The following THSD7B variants were observed in gnomAD, a reference collection of about 807,000 sequenced individuals.
The protein encoded by THSD7B is thrombospondin type-1 domain-containing protein 7B.
Under a neutral mutation model 213.6 loss-of-function variants are expected in THSD7B, and 138 were observed. The observed-to-expected ratio is 0.65, with a 90% CI of 0.56 to 0.74. The LOEUF is 0.74. Ranked by LOEUF, THSD7B falls within the 30% of genes least tolerant of loss-of-function variation. THSD7B has a pLI of 0.00. For synonymous variants in THSD7B, 742 were observed against 687.0 expected, an observed-to-expected ratio of 1.08 and a Z score of -1.25; for missense variants, 1,931 against 1,991.5, an observed-to-expected ratio of 0.97 and a Z score of 0.58.
intron 2 of THSD7B, among the ~76,000 whole-genome samples, chr2:136,974,356 C>T (rs1338366486): frequency 1.3e-5 from 2 of 152,056 alleles, no homozygotes; most frequent in African/African-American, 2.4e-5. Context: ...CCTGAACCCC[C>T]CGCCCCGCAC....
intron 7 of THSD7B, among the ~76,000 whole-genome samples, chr2:137,205,926 A>G (rs576391215): frequency 1.3e-5 from 2 of 152,162 alleles, no homozygotes; most frequent in African/African-American, 2.4e-5. Flanking sequence ...TTGTTGCAAC[A>G]TATTTTTACA....
At chr2:137,212,683 T>C (rs1310681268) in intron 7 of THSD7B, among the ~76,000 whole-genome samples, 2 of 152,014 alleles carry the variant, frequency 1.3e-5, no homozygotes, top group Non-Finnish European at 2.9e-5. Context: ...TTTTTTTTCC[T>C]GTGACTTATA....
chr2:137,642,636 A>T lies in THSD7B; in HGVS notation c.3945+3A>T, dbSNP rs1180797227. ...ACTGGTCTGCATGTAAATTGGAGGT[A>T]GGTCATGTAATGACAGTTAGAGAAA... On this transcript the variant is annotated splice_donor_region_variant and intron_variant, in intron 21 of 27. Coordinates refer to ENST00000409968, the MANE Select transcript of THSD7B (RefSeq NM_001316349.2). 1.2e-6 allele frequency: 2 copies of T among 1,613,168 alleles called. No individual in the cohort carries two copies.
intron 1 of THSD7B, among the ~76,000 whole-genome samples, chr2:136,872,635 C>A (rs1012848425): frequency 8.6e-6 from 1 of 116,146 alleles, no homozygotes; most frequent in Non-Finnish European, 1.9e-5. Context: ...TCTTTTCTTT[C>A]TTTCTTTTCT....
rs545612884 is a variant in THSD7B at position 137,431,173 on chromosome 2, T to A, written c.2959+19301T>A. ...GGCATGAGACAACAATCAAATACAC[T>A]TAAGAAATACATTGGTTTGATCTAG... On this transcript the variant is annotated intron_variant, in intron 14 of 27. Transcript: ENST00000409968. 2.0e-5 allele frequency among the ~76,000 whole-genome samples: 3 copies of A among 152,198 alleles called. No individual in the cohort carries two copies. The East Asian group carries it at 5.8e-4, about 29-fold the overall frequency.
chr2:137,091,163 A>G (rs1351531460), intron 3 of THSD7B, among the ~76,000 whole-genome samples: 1 of 152,218 alleles, frequency 6.6e-6, no homozygotes, highest in African/African-American at 2.4e-5. Flanking sequence ...AAAAGCCTCA[A>G]TTAATTCCTA....
intron 15 of THSD7B, among the ~76,000 whole-genome samples, chr2:137,485,788 G>C (rs1040203804): frequency 3.3e-5 from 5 of 152,184 alleles, no homozygotes; most frequent in African/African-American, 1.2e-4. Context: ...CAGACTAACA[G>C]CGGATCTCTC....
At chr2:137,298,704 G>T (rs562606664) in intron 12 of THSD7B, among the ~76,000 whole-genome samples, 1 of 152,306 alleles carries the variant, frequency 6.6e-6, no homozygotes, top group African/African-American at 2.4e-5. Flanking sequence ...GTACAGCTCA[G>T]GCTGTGCCTT....
chr2:137,487,390 A>AAG lies in THSD7B; in HGVS notation c.3138+36368_3138+36369insGA, dbSNP rs1553454196. Reference sequence around the variant, plus strand: ...ACTCCGTCTCAAAAAAAAAAAAAAAAAAAAAAAAAGAACTAGAAAAGCAAG... The same window carrying AAG: ...ACTCCGTCTCAAAAAAAAAAAAAAAAAGAAAAAAAAAGAACTAGAAAAGCAAG... On this transcript the variant is annotated intron_variant, in intron 15 of 27. Transcript: ENST00000409968. Among the ~76,000 whole-genome samples, 8 of 138,586 alleles carry AAG rather than the reference A, an allele frequency of 5.8e-5. 1 individual carries two copies. Among genetic ancestry groups the AAG allele is most frequent in the African/African-American group, 2.2e-4 (8 of 37,174 alleles). 90.9% of individuals were successfully genotyped at this position (138,586 alleles called of 152,430 possible).
At chr2:137,561,236 G>A (rs139211850) in intron 15 of THSD7B, among the ~76,000 whole-genome samples, 25 of 152,210 alleles carry the variant, frequency 1.6e-4, no homozygotes, top group African/African-American at 5.5e-4. Flanking sequence ...TATACAATCA[G>A]GTGGTCAAAT....
chr2:137,563,533 G>T (rs1156874569), intron 16 of THSD7B, among the ~76,000 whole-genome samples, 179 bp downstream of exon 16: 1 of 152,030 alleles, frequency 6.6e-6, no homozygotes, highest in Non-Finnish European at 1.5e-5. Flanking sequence ...TGTGTATAGT[G>T]GGGTTCCCTC....
intron 12 of THSD7B, among the ~76,000 whole-genome samples, chr2:137,326,436 A>C (rs748347783): frequency 6.6e-6 from 1 of 152,216 alleles, no homozygotes; most frequent in African/African-American, 2.4e-5. Context: ...TTAACAAAGT[A>C]CAAACATGCA....
chr2:137,226,799 G>A (rs1681516936), intron 7 of THSD7B, among the ~76,000 whole-genome samples: 1 of 147,336 alleles, frequency 6.8e-6, no homozygotes, highest in Admixed American at 6.8e-5. Context: ...CATATTCATA[G>A]CAGTAGTATT....
intron 15 of THSD7B, among the ~76,000 whole-genome samples, chr2:137,455,539 T>C (rs1687746367): frequency 6.6e-6 from 1 of 152,320 alleles, no homozygotes; most frequent in South Asian, 2.1e-4. Flanking sequence ...AAAAGCCTCC[T>C]TTTTAAACCA....
At chr2:137,034,684 C>T (rs927888889) in intron 2 of THSD7B, among the ~76,000 whole-genome samples, 2 of 151,964 alleles carry the variant, frequency 1.3e-5, no homozygotes, top group African/African-American at 2.4e-5. Flanking sequence ...GAGAACATGC[C>T]GTGTTTGGTT....
chr2:136,824,043 A>G (rs1682604623), intron 1 of THSD7B, among the ~76,000 whole-genome samples: 1 of 152,152 alleles, frequency 6.6e-6, no homozygotes, highest in Admixed American at 6.5e-5. Context: ...TCCTCACAAC[A>G]ATGTACTAAA....
chr2:137,278,887 G>T (rs1012658256), intron 12 of THSD7B, among the ~76,000 whole-genome samples: 4 of 152,046 alleles, frequency 2.6e-5, no homozygotes, highest in Non-Finnish European at 4.4e-5. Context: ...TAGATAAGAG[G>T]TATAGTTACA....
chr2:137,667,096 C>T (rs1469685865), intron 26 of THSD7B, among the ~76,000 whole-genome samples: 20 of 151,764 alleles, frequency 1.3e-4, no homozygotes, highest in Admixed American at 1.3e-3. Flanking sequence ...TTTCTTTGTT[C>T]TTTTTGTCAA....
intron 15 of THSD7B, among the ~76,000 whole-genome samples, chr2:137,481,036 G>T (rs1688295378): frequency 6.6e-6 from 1 of 152,196 alleles, no homozygotes; most frequent in South Asian, 2.1e-4. Context: ...TGAGGATACA[G>T]CATTTGTCCC....
Sources: allele counts gnomAD v4.1 joint callset (sites outside exome capture counted in the v4.1 genomes callset), GRCh38; gene constraint gnomAD v4.1.1; transcripts MANE v1.5; gene names NCBI Gene and HGNC (gene_info 2026-07-23, HGNC 2026-07-21).